NALF1: variants seen among roughly 807,000 people sequenced by gnomAD.
NALF1 encodes the protein NALCN channel auxiliary factor 1.
NALF1 carries 3 observed loss-of-function variants against 48.4 expected under a neutral mutation model. That is an observed-to-expected ratio of 0.06 (90% CI 0.03 to 0.16). The LOEUF (loss-of-function observed/expected upper bound fraction) is 0.16, where lower values mean the gene tolerates loss of function less well. Among genes scored for constraint, NALF1 ranks in the 10% least tolerant of loss-of-function variants. The pLI is 1.00. For synonymous variants in NALF1, 262 were observed against 245.7 expected, an observed-to-expected ratio of 1.07 and a Z score of -0.62; for missense variants, 526 against 571.5, an observed-to-expected ratio of 0.92 and a Z score of 0.81.
At chr13:107,284,660 A>T (rs1881455988) in intron 1 of NALF1, among the ~76,000 whole-genome samples, 1 of 152,122 alleles carries the variant, frequency 6.6e-6, no homozygotes, top group African/African-American at 2.4e-5. Context: ...TGAGGTTTAG[A>T]TGCGGTCATA....
chr13:107,625,183 A>C (rs933062858), intron 1 of NALF1, among the ~76,000 whole-genome samples: 3 of 152,114 alleles, frequency 2.0e-5, no homozygotes, highest in Admixed American at 6.6e-5. Context: ...ATCTTAGCCT[A>C]TCTCTACTTG....
At chr13:107,508,053 A>C (rs1875760175) in intron 1 of NALF1, among the ~76,000 whole-genome samples, 1 of 152,328 alleles carries the variant, frequency 6.6e-6, no homozygotes, top group South Asian at 2.1e-4. Flanking sequence ...CTATACAAAA[A>C]CATTACATGA....
intron 1 of NALF1, among the ~76,000 whole-genome samples, chr13:107,611,923 A>T (rs1385828222): frequency 6.7e-6 from 1 of 149,866 alleles, no homozygotes; most frequent in Admixed American, 6.7e-5. Flanking sequence ...ACTCTGTCTC[A>T]GAAGAAAGAA....
intron 1 of NALF1, among the ~76,000 whole-genome samples, chr13:107,596,102 G>A (rs1310717238): frequency 6.6e-6 from 1 of 152,182 alleles, no homozygotes; most frequent in African/African-American, 2.4e-5. Flanking sequence ...GAGGAGGAAT[G>A]ATCTGTGGGA....
intron 1 of NALF1, among the ~76,000 whole-genome samples, chr13:107,397,185 T>C (rs1185566204): frequency 1.3e-5 from 2 of 152,000 alleles, no homozygotes; most frequent in Admixed American, 6.6e-5. Flanking sequence ...CATTCCAGAG[T>C]CCATGCATAA....
intron 1 of NALF1, among the ~76,000 whole-genome samples, chr13:107,417,017 A>T (rs1003411721): frequency 6.6e-6 from 1 of 152,192 alleles, no homozygotes. Flanking sequence ...CCTTGTGCCA[A>T]CTTTCATTCA....
chr13:107,661,579 G>C (rs1367049218), intron 1 of NALF1, among the ~76,000 whole-genome samples: 1 of 152,038 alleles, frequency 6.6e-6, no homozygotes, highest in South Asian at 2.1e-4. Flanking sequence ...AAAAGCACTC[G>C]GCATAATACC....
chr13:107,431,915 T>C (rs1210466014), intron 1 of NALF1, among the ~76,000 whole-genome samples: 1 of 152,220 alleles, frequency 6.6e-6, no homozygotes, highest in East Asian at 1.9e-4. Flanking sequence ...AGTTTTGATG[T>C]CCTGCGGTGA....
At chr13:107,527,924 A>C (rs1344024410) in intron 1 of NALF1, among the ~76,000 whole-genome samples, 1 of 152,152 alleles carries the variant, frequency 6.6e-6, no homozygotes, top group African/African-American at 2.4e-5. Flanking sequence ...TGTGAAAACA[A>C]ACTAATACAA....
intron 1 of NALF1, among the ~76,000 whole-genome samples, chr13:107,712,236 T>G (rs1235162395): frequency 6.6e-6 from 1 of 152,194 alleles, no homozygotes; most frequent in South Asian, 2.1e-4. Context: ...AGGTTTACAT[T>G]TGAATTTGGA....
At chr13:107,451,644 T>C (rs1383530362) in intron 1 of NALF1, among the ~76,000 whole-genome samples, 2 of 152,238 alleles carry the variant, frequency 1.3e-5, no homozygotes, top group Non-Finnish European at 2.9e-5. Context: ...ACTTGTGCTG[T>C]ATACTCGAAC....
intron 1 of NALF1, among the ~76,000 whole-genome samples, chr13:107,537,761 T>C (rs1345134511): frequency 6.6e-6 from 1 of 152,124 alleles, no homozygotes; most frequent in African/African-American, 2.4e-5. Context: ...CTCATGCCTA[T>C]AATCCCAGCA....
Position 107,362,295 on chromosome 13 carries a change from T to A in NALF1, c.916-151540A>T, listed in dbSNP as rs377132662. Reference sequence around the variant, plus strand: ...TTCTAGGGCGTGCTGTAACAAACTATGATCAACTGAGTAGCTGAAAACAAG... The same window carrying A: ...TTCTAGGGCGTGCTGTAACAAACTAAGATCAACTGAGTAGCTGAAAACAAG... On this transcript the variant is annotated intron_variant, in intron 1 of 2. Transcript: ENST00000375915. The surrounding 1 kb of genome is among the most constrained non-coding windows in gnomAD (Gnocchi z 4.6). Among the ~76,000 whole-genome samples, 1 of 152,302 alleles carries A rather than the reference T, an allele frequency of 6.6e-6. No homozygotes were observed. The highest frequency in any genetic ancestry group is 2.4e-5 in the African/African-American group (1 of 41,584).
chr13:107,288,224 T>G (rs1881537432), intron 1 of NALF1, among the ~76,000 whole-genome samples: 1 of 149,120 alleles, frequency 6.7e-6, no homozygotes, highest in African/African-American at 2.5e-5. Context: ...GAAGACTTTT[T>G]TTTTTTTTTT....
intron 1 of NALF1, chr13:107,835,351 CTT>C (rs1403295325): frequency 6.6e-6 from 1 of 152,184 alleles, no homozygotes; most frequent in African/African-American, 2.4e-5. Context: ...TTGCCTCTCT[CTT>C]GGCTCCTAAC....
At chr13:107,487,141 C>T (rs1038889527) in intron 1 of NALF1, among the ~76,000 whole-genome samples, 1 of 152,146 alleles carries the variant, frequency 6.6e-6, no homozygotes, top group Non-Finnish European at 1.5e-5. Flanking sequence ...CTACCACCTA[C>T]TCCCACACAC....
chr13:107,420,223 T>A (rs1171756243), intron 1 of NALF1, among the ~76,000 whole-genome samples: 1 of 152,144 alleles, frequency 6.6e-6, no homozygotes, highest in Non-Finnish European at 1.5e-5. Context: ...AATAAAGATA[T>A]TTTGCTAATT....
At chr13:107,391,276 G>C (rs999383484) in intron 1 of NALF1, among the ~76,000 whole-genome samples, 1 of 151,990 alleles carries the variant, frequency 6.6e-6, no homozygotes, top group Non-Finnish European at 1.5e-5. Context: ...CCTACCTAAG[G>C]GGTCTAGGGA....
intron 1 of NALF1, among the ~76,000 whole-genome samples, chr13:107,566,825 A>G (rs1374590852): frequency 1.3e-5 from 2 of 152,188 alleles, no homozygotes; most frequent in East Asian, 3.9e-4. Flanking sequence ...GGCATGATCC[A>G]CTTTTTAAGG....
Sources: gnomAD v4.1 joint callset for allele counts (sites outside exome capture counted in the v4.1 genomes callset) on GRCh38, gnomAD v4.1.1 for gene constraint, Gnocchi (gnomAD v3.1) non-coding constraint, MANE v1.5 for transcripts, NCBI Gene and HGNC (gene_info 2026-07-23, HGNC 2026-07-21) for gene names.